Variants in DNM3 observed in about 807,000 individuals in gnomAD.
DNM3 encodes the protein dynamin 3.
Under a neutral mutation model 101.6 loss-of-function variants are expected in DNM3, and 47 were observed. The observed-to-expected ratio is 0.46, with a 90% CI of 0.37 to 0.59. The LOEUF is 0.59. Among genes scored for constraint, DNM3 ranks in the 20% least tolerant of loss-of-function variants. DNM3 has a pLI of 0.00. For missense variants in DNM3, 849 were observed against 1,085.7 expected, an observed-to-expected ratio of 0.78 and a Z score of 3.06; for synonymous variants, 385 against 387.9, an observed-to-expected ratio of 0.99 and a Z score of 0.09.
At chr1:171,849,833 A>T (rs1039672654) in intron 1 of DNM3, among the ~76,000 whole-genome samples, 3 of 152,178 alleles carry the variant, frequency 2.0e-5, no homozygotes, top group African/African-American at 7.2e-5. Flanking sequence ...GCTGGAAAAA[A>T]GTTGGGTGAC....
chr1:172,110,462 G>A (rs1381662617), intron 13 of DNM3, among the ~76,000 whole-genome samples: 1 of 152,092 alleles, frequency 6.6e-6, no homozygotes, highest in Admixed American at 6.6e-5. Context: ...GTCTAACATA[G>A]AATCCGCTTA....
chr1:172,186,508 G>A (rs2059531418), intron 14 of DNM3, among the ~76,000 whole-genome samples: 1 of 151,986 alleles, frequency 6.6e-6, no homozygotes, highest in East Asian at 1.9e-4. Flanking sequence ...AATTTAGAAG[G>A]ACAATGCTGT....
intron 16 of DNM3, among the ~76,000 whole-genome samples, chr1:172,318,899 T>C (rs1298420049): frequency 6.6e-6 from 1 of 152,180 alleles, no homozygotes; most frequent in Non-Finnish European, 1.5e-5. Flanking sequence ...TTAAAGTTCA[T>C]GTGGAACCAA....
Position 172,367,905 on chromosome 1 carries a change from C to T in DNM3, c.1894-11113C>T, listed in dbSNP as rs571569095. On this transcript the variant is annotated intron_variant, in intron 17 of 20. Coordinates refer to ENST00000627582, the MANE Select transcript of DNM3 (RefSeq NM_015569.5). ...TGTAATTGAATCATGGGGGTGGTTT[C>T]CCCCATGCTATTCTCATGAGAATGA... is the stretch of plus-strand genomic sequence containing the variant. Among the ~76,000 whole-genome samples, 328 of 151,862 alleles carry T rather than the reference C, an allele frequency of 2.2e-3. 1 individual carries two copies. The highest frequency in any genetic ancestry group is 7.3e-3 in the African/African-American group (303 of 41,486).
At chr1:172,413,299 T>C (rs1044778222), downstream of DNM3, among the ~76,000 whole-genome samples, 1 of 152,154 alleles carries the variant, frequency 6.6e-6, no homozygotes, top group Non-Finnish European at 1.5e-5. Flanking sequence ...CTATCTCGGC[T>C]CACTGCAAGC....
At chr1:172,338,907 GT>G (rs2066564343) in intron 17 of DNM3, 1 of 429,276 alleles carries the variant, frequency 2.3e-6, no homozygotes, top group African/African-American at 2.1e-5. Context: ...AAGTTTGTTT[GT>G]GCAGGTGTAT....
chr1:172,227,901 A>G (rs184275881), intron 14 of DNM3, among the ~76,000 whole-genome samples: 53 of 152,286 alleles, frequency 3.5e-4, no homozygotes, highest in Admixed American at 7.9e-4. Context: ...ACACATGTGT[A>G]ATTTTAATGT....
At chr1:172,264,754 G>GTCTT (rs1364191369) in intron 15 of DNM3, among the ~76,000 whole-genome samples, 1 of 152,114 alleles carries the variant, frequency 6.6e-6, no homozygotes, top group Admixed American at 6.6e-5. Context: ...AATCTCGTCG[G>GTCTT]TCTTTCTTAC....
At chr1:172,291,676 A>G (rs1002992160) in intron 15 of DNM3, among the ~76,000 whole-genome samples, 4 of 152,204 alleles carry the variant, frequency 2.6e-5, no homozygotes, top group Admixed American at 2.6e-4. Context: ...CATATTTACT[A>G]CAGAATTGTA....
intron 2 of DNM3, among the ~76,000 whole-genome samples, chr1:171,951,732 C>T (rs12064937): frequency 6.6e-6 from 1 of 152,000 alleles, no homozygotes; most frequent in Non-Finnish European, 1.5e-5. Flanking sequence ...GAGGTGTTGA[C>T]AAAAAACTAA....
At chr1:171,951,082 A>G (rs924807522) in intron 2 of DNM3, among the ~76,000 whole-genome samples, 11 of 152,172 alleles carry the variant, frequency 7.2e-5, no homozygotes, top group Admixed American at 5.2e-4. Flanking sequence ...GACTAATTAC[A>G]TACATTTTTT....
intron 2 of DNM3, among the ~76,000 whole-genome samples, chr1:171,982,662 T>TTGTGTGTG (rs3051606): frequency 1.5e-4 from 22 of 148,864 alleles, no homozygotes; most frequent in Admixed American, 1.1e-3. Context: ...ATGTGTGTGT[T>TTGTGTGTG]TGTGTGTGTG....
intron 14 of DNM3, among the ~76,000 whole-genome samples, chr1:172,145,017 T>C (rs1392120705): frequency 6.6e-6 from 1 of 152,074 alleles, no homozygotes; most frequent in Non-Finnish European, 1.5e-5. Context: ...AGGCCAGATT[T>C]TTTTCCTCAA....
At chr1:171,853,797 A>G (rs2033262897) in intron 1 of DNM3, among the ~76,000 whole-genome samples, 1 of 152,132 alleles carries the variant, frequency 6.6e-6, no homozygotes, top group African/African-American at 2.4e-5. Flanking sequence ...TGCTGCTCTC[A>G]GGTTAATCTT....
At chr1:171,931,470 G>C (rs1157160456) in intron 2 of DNM3, among the ~76,000 whole-genome samples, 1 of 152,030 alleles carries the variant, frequency 6.6e-6, no homozygotes, top group African/African-American at 2.4e-5. Flanking sequence ...TTATATTCTG[G>C]ATTTATTATT....
Position 172,242,403 on chromosome 1 carries a change from C to T in DNM3, c.1660-11170C>T, listed in dbSNP as rs58919069. Among the ~76,000 whole-genome samples the T allele has an allele frequency of 1.8e-3, 281 of 152,184 alleles. 1 individual carries two copies. The highest frequency in any genetic ancestry group is 6.1e-3 in the African/African-American group (254 of 41,512). ...CCTGCTGAAGGTAAGAATGAGTTGCCGTGAGTAGAAAAGGTAGTCCTGTGC... is the reference window on the plus strand; with the variant it reads ...CCTGCTGAAGGTAAGAATGAGTTGCTGTGAGTAGAAAAGGTAGTCCTGTGC... On this transcript the variant is annotated intron_variant, in intron 14 of 20. Transcript: ENST00000627582.
chr1:172,065,688 G>A (rs981491087), intron 10 of DNM3, among the ~76,000 whole-genome samples: 1 of 152,108 alleles, frequency 6.6e-6, no homozygotes, highest in African/African-American at 2.4e-5. Flanking sequence ...AGATAAGAGG[G>A]TGAGAAATCG....
At chr1:172,077,673 A>G (rs1323267840) in intron 11 of DNM3, among the ~76,000 whole-genome samples, 1 of 151,994 alleles carries the variant, frequency 6.6e-6, no homozygotes, top group African/African-American at 2.4e-5. Context: ...GGTCTGAGAG[A>G]CTGTTTGTTA....
chr1:171,964,891 G>A (rs1213758501), intron 2 of DNM3, among the ~76,000 whole-genome samples: 1 of 151,572 alleles, frequency 6.6e-6, no homozygotes, highest in African/African-American at 2.4e-5. Flanking sequence ...CCCAACTGAT[G>A]GAAAACTGTG....
Sources: gnomAD v4.1 joint callset for allele counts (sites outside exome capture counted in the v4.1 genomes callset) on GRCh38, gnomAD v4.1.1 for gene constraint, MANE v1.5 for transcripts, NCBI Gene and HGNC (gene_info 2026-07-23, HGNC 2026-07-21) for gene names.